The following ATP13A1 variants were observed in gnomAD, a reference collection of about 807,000 sequenced individuals.
ATP13A1 encodes the protein ATPase 13A1, also known as endoplasmic reticulum transmembrane helix translocase.
ATP13A1 carries 55 observed loss-of-function variants against 134.8 expected under a neutral mutation model. The ratio of observed to expected loss-of-function variants is 0.41; its 90% CI spans 0.33 to 0.51. The LOEUF (loss-of-function observed/expected upper bound fraction) is 0.51, where lower values mean the gene tolerates loss of function less well. Ranked by LOEUF, ATP13A1 falls within the 20% of genes least tolerant of loss-of-function variation. The pLI, the probability that ATP13A1 is intolerant of heterozygous loss-of-function variation, is 0.29. For missense variants in ATP13A1, 1,389 were observed against 1,652.8 expected (o/e 0.84, Z 2.77); for synonymous variants, 775 against 725.1 (o/e 1.07, Z -1.10).
At position 19,663,363 on chromosome 19, in the gene ATP13A1, G is replaced by C. The variant is rs764393798; in HGVS notation, c.304C>G (p.Leu102Val). 3.1e-6 allele frequency: 5 copies of C among 1,591,392 alleles called. No individual in the cohort carries two copies. Among genetic ancestry groups the C allele is most frequent in the Non-Finnish European group, 2.6e-6 (3 of 1,170,272 alleles). The change falls in exon 1 of 26, where the codon CTC becomes GTC. Residue 102 changes from leucine to valine, a missense_variant. Around this residue, in one of 4 missense-constraint regions of ATP13A1, gnomAD observed 293 missense variants for 270.8 expected, o/e 1.08. Transcript: ENST00000357324. The part of the protein sequence containing the change: ...SWVQIPEAAL[L>V]VLATICLAHA... Reference sequence around the variant, plus strand: ...GCGAGGCAGATGGTGGCAAGCACGAGCAGCGCAGCTTCGGGGATCTGCACC... The same window carrying C: ...GCGAGGCAGATGGTGGCAAGCACGACCAGCGCAGCTTCGGGGATCTGCACC...
In ATP13A1 at chr19:19,655,443, G is replaced by A; in HGVS notation, c.1407C>T (p.Asp469=). Residue 469 remains aspartate, a synonymous_variant, in exon 11 of 26, where the codon GAC becomes GAT. Coordinates refer to ENST00000357324, the MANE Select transcript of ATP13A1 (RefSeq NM_020410.3). The surrounding 1 kb of genome is among the most constrained non-coding windows in gnomAD (Gnocchi z 5.7). The stretch of plus-strand genomic sequence containing the variant: ...ACAGCTTGTAGCGGTTCCGGCTGGG[G>A]TCCTTGGTACCTGTGGAGACAGGGC... ...AAYVWIEGTK[D]PSRNRYKLFL... 1 of 1,614,016 alleles carries A rather than the reference G, an allele frequency of 6.2e-7. No homozygotes were observed. Among genetic ancestry groups the A allele is most frequent in the Non-Finnish European group, 8.5e-7 (1 of 1,179,886 alleles).
intron 13 of ATP13A1, 102 bp from the exon 14 acceptor site, chr19:19,654,246 C>A: frequency 3.1e-6 from 4 of 1,275,734 alleles, no homozygotes; most frequent in South Asian, 1.5e-5. Context: ...CTGCCTCCCC[C>A]AGGGCCTGAT....
At chr19:19,659,515 G>A in intron 3 of ATP13A1, 86 bp downstream of exon 3, 1 of 843,306 alleles carries the variant, frequency 1.2e-6, no homozygotes, top group Non-Finnish European at 1.7e-6. Flanking sequence ...AAGGGCAGAT[G>A]CCTCTGTCCC....
At chr19:19,654,775 C>T (rs1004278517) in intron 12 of ATP13A1, 75 bp from the exon 13 acceptor site, 5 of 1,497,252 alleles carry the variant, frequency 3.3e-6, no homozygotes, top group East Asian at 4.6e-5. Context: ...AGCAGAAGGA[C>T]CCCCAAGGCC....
Position 19,655,944 on chromosome 19 carries a change from A to C in ATP13A1, c.1214-11T>G. 6.2e-7 allele frequency: 1 copy of C among 1,604,216 alleles called. No individual in the cohort carries two copies. Among genetic ancestry groups the C allele is most frequent in the Non-Finnish European group, 8.5e-7 (1 of 1,178,454 alleles). ...ACCCGCTGTCAACCGCTGGGGAGAG[A>C]AGCAGAGTCACCGTCATGCCTGTCT... On this transcript the variant is annotated splice_polypyrimidine_tract_variant and intron_variant, in intron 8 of 25. Coordinates refer to ENST00000357324, the MANE Select transcript of ATP13A1 (RefSeq NM_020410.3). The surrounding 1 kb of genome is among the most constrained non-coding windows in gnomAD (Gnocchi z 5.7).
rs1473109963 is a variant in ATP13A1 at position 19,655,151 on chromosome 19, G to A, written c.1623C>T (p.Asp541=). ...CGGCCACACCGCGCACCACCAGGCT[G>A]TCACTGGTCAACGTCCCCGTCTTGT... is the stretch of plus-strand genomic sequence containing the variant. ...CFDKTGTLTS[D]SLVVRGVAGL... is the part of the protein sequence containing the mutation. The change falls in exon 12 of 26, where the codon GAC becomes GAT. Residue 541 remains aspartate (D), a synonymous_variant. Coordinates refer to ENST00000357324, the MANE Select transcript of ATP13A1 (RefSeq NM_020410.3). This position sits in a 1 kb window ranked among gnomAD's most constrained non-coding sequence, Gnocchi z 5.7. The A allele has an allele frequency of 1.2e-6, 2 of 1,614,004 alleles. No individual in the cohort carries two copies. The highest frequency in any genetic ancestry group is 1.7e-6 in the Non-Finnish European group (2 of 1,179,902).
At chr19:19,648,040 C>G (rs536128733) in intron 19 of ATP13A1, among the ~76,000 whole-genome samples, 169 of 152,250 alleles carry the variant, frequency 1.1e-3, no homozygotes, top group African/African-American at 3.8e-3. Context: ...TGATTTTGGC[C>G]GAGCGCAGTG....
At chr19:19,649,453 A>C (rs1210102581) in intron 19 of ATP13A1, 114 bp downstream of exon 19, 3 of 1,118,862 alleles carry the variant, frequency 2.7e-6, no homozygotes, top group Admixed American at 4.2e-5. Context: ...TCCCATCCTC[A>C]CAGGAATTAG....
chr19:19,662,659 C>T (rs190932870), intron 1 of ATP13A1, among the ~76,000 whole-genome samples: 19 of 152,304 alleles, frequency 1.2e-4, no homozygotes, highest in Non-Finnish European at 2.5e-4. Flanking sequence ...AACTCAGTAT[C>T]ACCACCCTCA....
At chr19:19,654,211 C>T in intron 13 of ATP13A1, 67 bp from the exon 14 acceptor site, 1 of 1,455,812 alleles carries the variant, frequency 6.9e-7, no homozygotes, top group South Asian at 1.3e-5. Flanking sequence ...CCCTACCTCT[C>T]ACCCCGGCCT....
rs763788257 is a variant in ATP13A1 at position 19,655,331 on chromosome 19, C to T, written c.1519G>A (p.Ala507Thr). 21 of 1,613,868 alleles carry T rather than the reference C, an allele frequency of 1.3e-5. No individual in the cohort carries two copies. The highest frequency in any genetic ancestry group is 1.5e-5 in the Non-Finnish European group (18 of 1,179,870). ...ACACACTCACAGAGCTTGGCCAGGG[C>T]GATGAGGGAGGTGTTGACGGCCAGG... The part of the protein sequence containing the change: ...LSLAVNTSLI[A>T]LAKLYMYCTE... Residue 507 changes from alanine to threonine, a missense_variant, in exon 11 of 26, where the codon GCC (alanine) becomes ACC (threonine). By Grantham distance (58) the Ala-to-Thr change is moderately conservative. Around this residue, in one of 4 missense-constraint regions of ATP13A1, gnomAD observed 747 missense variants for 956.1 expected, o/e 0.78. Transcript: ENST00000357324. This position sits in a 1 kb window ranked among gnomAD's most constrained non-coding sequence, Gnocchi z 5.7.
chr19:19,658,233 T>A (rs1313493399), intron 3 of ATP13A1, among the ~76,000 whole-genome samples: 1 of 149,668 alleles, frequency 6.7e-6, no homozygotes, highest in African/African-American at 2.5e-5. Flanking sequence ...TGTGCCATAG[T>A]CCAATCTGAT....
At chr19:19,657,468 C>T in intron 3 of ATP13A1, 60 bp from the exon 4 acceptor site, 3 of 1,481,610 alleles carry the variant, frequency 2.0e-6, no homozygotes, top group African/African-American at 1.4e-5. Flanking sequence ...ATGGAGTCTC[C>T]ACCCTGACCC....
In ATP13A1 at chr19:19,655,249, G is replaced by A; in HGVS notation, c.1535-10C>T. On this transcript the variant is annotated splice_polypyrimidine_tract_variant and intron_variant, in intron 11 of 25. Coordinates refer to ENST00000357324, the MANE Select transcript of ATP13A1 (RefSeq NM_020410.3). This position sits in a 1 kb window ranked among gnomAD's most constrained non-coding sequence, Gnocchi z 5.7. Reference sequence around the variant, plus strand: ...TCTGTGCAGTACATGTCTAGGGGCGGGAGTGAGGTCAGGGGTCCTGCTTGG... The same window carrying A: ...TCTGTGCAGTACATGTCTAGGGGCGAGAGTGAGGTCAGGGGTCCTGCTTGG... 1 of 1,613,994 alleles carries A rather than the reference G, an allele frequency of 6.2e-7. No homozygotes were observed. Among genetic ancestry groups the A allele is most frequent in the South Asian group, 1.1e-5 (1 of 91,088 alleles).
chr19:19,651,764 C>A lies in ATP13A1; in HGVS notation c.2260G>T (p.Ala754Ser). The A allele has an allele frequency of 1.2e-6, 2 of 1,613,248 alleles. No individual in the cohort carries two copies. Residue 754 changes from alanine to serine, a missense_variant, in exon 17 of 26, where the codon GCA becomes TCA. Around this residue, in one of 4 missense-constraint regions of ATP13A1, gnomAD observed 747 missense variants for 956.1 expected, o/e 0.78. Transcript: ENST00000357324. ...VMITGDNPLTACHVAQELHFI... is the reference protein window; with the variant it reads ...VMITGDNPLTSCHVAQELHFI... ...TGCAGCTCCTGGGCCACGTGGCATG[C>A]AGTGAGCGGGTTGTCTCCCGTGATC...
chr19:19,645,947 G>C lies in ATP13A1; in HGVS notation c.3287C>G (p.Pro1096Arg). Residue 1096 changes from proline (P) to arginine (R), a missense_variant, in exon 24 of 26, where the codon CCA (proline) becomes CGA (arginine). By Grantham distance (103) the Pro-to-Arg change is moderately radical. This residue lies in a region of ATP13A1 where 228 missense variants were observed against 321.0 expected (regional missense o/e 0.71). Transcript: ENST00000357324. This position sits in a 1 kb window ranked among gnomAD's most constrained non-coding sequence, Gnocchi z 4.1. ...QFVDLYKEFE[P>R]SLVNSTVYIM... ...GTAGACGGTGCTGTTGACCAGGCTTGGCTCAAACTCCTTGTACAAGTCCAC... is the reference window on the plus strand; with the variant it reads ...GTAGACGGTGCTGTTGACCAGGCTTCGCTCAAACTCCTTGTACAAGTCCAC... 1 of 1,613,464 alleles carries C rather than the reference G, an allele frequency of 6.2e-7. No individual in the cohort carries two copies. Among genetic ancestry groups the C allele is most frequent in the Admixed American group, 1.7e-5 (1 of 60,034 alleles).
chr19:19,651,017 C>A (rs557118346), intron 17 of ATP13A1: 1 of 152,418 alleles, frequency 6.6e-6, no homozygotes, highest in African/African-American at 2.4e-5. Context: ...GAGCCTTGAG[C>A]TCTGGAATCA....
At chr19:19,648,915 A>C (rs1330008542) in intron 19 of ATP13A1, among the ~76,000 whole-genome samples, 4 of 151,064 alleles carry the variant, frequency 2.6e-5, no homozygotes, top group African/African-American at 7.3e-5. Flanking sequence ...TGAGGTCAGG[A>C]ATTGGAGACC....
chr19:19,649,331 A>G (rs2144900879), intron 19 of ATP13A1, among the ~76,000 whole-genome samples: 1 of 152,238 alleles, frequency 6.6e-6, no homozygotes, highest in East Asian at 1.9e-4. Context: ...GGGTTTTCTG[A>G]GTCACTCTCC....
Sources: gnomAD v4.1 joint callset for allele counts (sites outside exome capture counted in the v4.1 genomes callset) on GRCh38, gnomAD v4.1.1 for gene constraint, gnomAD v4.1.1 regional missense constraint, Gnocchi (gnomAD v3.1) non-coding constraint, MANE v1.5 for transcripts, NCBI Gene and HGNC (gene_info 2026-07-23, HGNC 2026-07-21) for gene names.